Variants in ANKRD27 observed in about 807,000 individuals in gnomAD.
The protein encoded by ANKRD27 is ankyrin repeat domain 27.
A neutral mutation model predicts 129.7 loss-of-function variants in ANKRD27; 112 were observed. That is an observed-to-expected ratio of 0.86 (90% CI 0.74 to 1.01). The LOEUF (loss-of-function observed/expected upper bound fraction) is 1.01, where lower values mean the gene tolerates loss of function less well. Among genes scored for constraint, ANKRD27 ranks in the 50% least tolerant of loss-of-function variants. ANKRD27 has a pLI of 0.00. For missense variants in ANKRD27, 1,258 were observed against 1,300.5 expected (o/e 0.97, Z 0.50); for synonymous variants, 516 against 511.2 (o/e 1.01, Z -0.13).
Position 32,659,133 on chromosome 19 carries a change from C to CTTT in ANKRD27, c.-30-91_-30-89dup, listed in dbSNP as rs200281838. 44 of 330,966 alleles carry CTTT rather than the reference C, an allele frequency of 1.3e-4. 6 individuals carry two copies. The highest frequency in any genetic ancestry group is 2.3e-4 in the South Asian group (6 of 25,724). The allele number at this position is 330,966 out of a possible 1,614,324, so 20.5% of individuals were successfully genotyped here. On this transcript the variant is annotated intron_variant, in intron 1 of 28. Transcript: ENST00000306065. Reference sequence around the variant, plus strand: ...CTGCATCTGATGCATCTGGCATTTTCTTTTTCTTTTTTTTTTTTTTTTTGA... The same window carrying CTTT: ...CTGCATCTGATGCATCTGGCATTTTCTTTTTTTTCTTTTTTTTTTTTTTTTTGA...
chr19:32,648,968 G>GTTTT (rs67248583), intron 3 of ANKRD27, among the ~76,000 whole-genome samples: 2 of 126,360 alleles, frequency 1.6e-5, no homozygotes, highest in African/African-American at 2.9e-5. Context: ...TTTTGGGTTT[G>GTTTT]TTTTTTTTTT....
At chr19:32,626,940 G>A (rs1433107296) in intron 15 of ANKRD27, 113 bp from the exon 16 acceptor site, 17 of 609,682 alleles carry the variant, frequency 2.8e-5, no homozygotes, top group Non-Finnish European at 4.2e-5. Flanking sequence ...TGAAACCCAC[G>A]GTAGATACTT....
intron 2 of ANKRD27, among the ~76,000 whole-genome samples, chr19:32,654,839 T>A (rs1470622845): frequency 6.6e-6 from 1 of 152,140 alleles, no homozygotes; most frequent in Non-Finnish European, 1.5e-5. Context: ...TGGAGTGCAG[T>A]GGCGCAATCT....
chr19:32,639,520 G>A (rs1243801566), intron 11 of ANKRD27, 32 bp from the exon 12 acceptor site: 2 of 1,596,762 alleles, frequency 1.3e-6, no homozygotes. Context: ...TTATGTTGTT[G>A]TCTATCCAAG....
chr19:32,664,240 A>C (rs1050510936), intron 1 of ANKRD27, among the ~76,000 whole-genome samples: 2 of 151,936 alleles, frequency 1.3e-5, no homozygotes, highest in African/African-American at 4.8e-5. Flanking sequence ...CACAGCCCTG[A>C]ACTCCCAGCC....
At chr19:32,602,154 T>A in intron 25 of ANKRD27, 28 bp from the exon 26 acceptor site, 1 of 1,352,726 alleles carries the variant, frequency 7.4e-7, no homozygotes. Context: ...AAAGGAACAG[T>A]AATGTTTTTA....
Position 32,607,657 on chromosome 19 carries a change from G to C in ANKRD27, c.2351C>G (p.Ala784Gly). 6.2e-7 allele frequency: 1 copy of C among 1,611,546 alleles called. No individual in the cohort carries two copies. Among genetic ancestry groups the C allele is most frequent in the Non-Finnish European group, 8.5e-7 (1 of 1,179,572 alleles). ...AACCTGAAAGTGGCCCTGCTGGCAG[G>C]CCAGGTGGAGCGGGACGGCTTGGTC... ...NADQAVPLHL[A>G]CQQGHFQVVK... is the part of the protein sequence containing the mutation. The change falls in exon 23 of 29, where the codon GCC (alanine) becomes GGC (glycine). Residue 784 changes from alanine (A) to glycine (G), a missense_variant. By Grantham distance (60) the Ala-to-Gly change is moderately conservative (BLOSUM62 0). Transcript: ENST00000306065.
Position 32,626,791 on chromosome 19 carries a change from C to T in ANKRD27, c.1457G>A (p.Gly486Asp). The change falls in exon 16 of 29, where the codon GGC becomes GAC. Residue 486 changes from glycine to aspartate, a missense_variant. Transcript: ENST00000306065. ...ASLIDLLVSKGAMVNATDYHG... is the reference protein window; with the variant it reads ...ASLIDLLVSKDAMVNATDYHG... ...GTAGTCTGTGGCATTTACCATGGCG[C>T]CCTTGGAAACCAGGAGGTCGATGAG... The T allele has an allele frequency of 6.2e-7, 1 of 1,612,036 alleles. No homozygotes were observed. The highest frequency in any genetic ancestry group is 8.5e-7 in the Non-Finnish European group (1 of 1,179,196).
intron 12 of ANKRD27, among the ~76,000 whole-genome samples, chr19:32,633,219 A>G (rs1967030117): frequency 6.6e-6 from 1 of 152,166 alleles, no homozygotes; most frequent in South Asian, 2.1e-4. Context: ...GCAAGGACTT[A>G]CTAAAGAAAT....
intron 25 of ANKRD27, among the ~76,000 whole-genome samples, chr19:32,602,536 A>G (rs1434781770): frequency 6.6e-6 from 1 of 152,106 alleles, no homozygotes; most frequent in East Asian, 1.9e-4. Flanking sequence ...AGGTGGGAGG[A>G]TTGCTTGAGC....
In ANKRD27 at chr19:32,618,468, A is replaced by G. The variant is rs556730687; in HGVS notation, c.2007+792T>C. ...CCCAAAAAGAAAAAAAAAAAAAAAAAAAAAGAAATACTGAACTCAGCTATC... is the reference window on the plus strand; with the variant it reads ...CCCAAAAAGAAAAAAAAAAAAAAAAGAAAAGAAATACTGAACTCAGCTATC... On this transcript the variant is annotated intron_variant, in intron 20 of 28. Coordinates refer to ENST00000306065, the MANE Select transcript of ANKRD27 (RefSeq NM_032139.3). Among the ~76,000 whole-genome samples the G allele has an allele frequency of 4.2e-4, 64 of 151,478 alleles. No homozygotes were observed. In the East Asian group the frequency reaches 9.5e-3, roughly 23 times the overall value.
chr19:32,599,795 G>T lies in ANKRD27; in HGVS notation c.2847-19C>A. The stretch of plus-strand genomic sequence containing the variant: ...CTTTCCCCTAAAACCCAAAATAAAC[G>T]AAAATAAATATTTGGGACAGTGGCA... On this transcript the variant is annotated intron_variant, in intron 27 of 28. Coordinates refer to ENST00000306065, the MANE Select transcript of ANKRD27 (RefSeq NM_032139.3). 3 of 1,609,888 alleles carry T rather than the reference G, an allele frequency of 1.9e-6. No homozygotes were observed. The highest frequency in any genetic ancestry group is 1.7e-4 in the Middle Eastern group (1 of 6,034).
intron 1 of ANKRD27, among the ~76,000 whole-genome samples, chr19:32,659,989 T>G (rs1967614357): frequency 6.6e-6 from 1 of 152,182 alleles, no homozygotes; most frequent in South Asian, 2.1e-4. Context: ...CTGGGTATGG[T>G]GGCATGTGCC....
At chr19:32,618,052 C>T (rs184759306) in intron 20 of ANKRD27, among the ~76,000 whole-genome samples, 1 of 152,182 alleles carries the variant, frequency 6.6e-6, no homozygotes, top group African/African-American at 2.4e-5. Context: ...GCCACCACGC[C>T]CGGCTGATTT....
chr19:32,653,718 G>C (rs1455590014), intron 2 of ANKRD27, among the ~76,000 whole-genome samples: 1 of 150,744 alleles, frequency 6.6e-6, no homozygotes, highest in African/African-American at 2.4e-5. Flanking sequence ...AAGGCGCTTC[G>C]AGGCGTGGCG....
At chr19:32,652,166 T>C (rs749758339) in intron 2 of ANKRD27, among the ~76,000 whole-genome samples, 3 of 152,216 alleles carry the variant, frequency 2.0e-5, no homozygotes, top group Non-Finnish European at 4.4e-5. Context: ...GCAAAGACTT[T>C]CCAGAGTTAC....
In ANKRD27 at chr19:32,628,553, A is replaced by C. The variant is rs373563238; in HGVS notation, c.1337+169T>G. On this transcript the variant is annotated intron_variant, in intron 14 of 28. Transcript: ENST00000306065. ...CAAGTGCTTTGACAACCTCTAACCTATCTGATTCTCCAAAGGGGCAGCTGT... is the reference window on the plus strand; with the variant it reads ...CAAGTGCTTTGACAACCTCTAACCTCTCTGATTCTCCAAAGGGGCAGCTGT... 3.0e-3 allele frequency among the ~76,000 whole-genome samples: 454 copies of C among 152,232 alleles called. 3 individuals carry two copies. The highest frequency in any genetic ancestry group is 0.011 in the African/African-American group (442 of 41,546).
chr19:32,614,983 T>C (rs1358185527), intron 22 of ANKRD27, among the ~76,000 whole-genome samples: 2 of 152,160 alleles, frequency 1.3e-5, no homozygotes, highest in East Asian at 3.9e-4. Flanking sequence ...AGAGTCCCCA[T>C]GAAGAGTGAA....
chr19:32,644,207 TAA>T, intron 5 of ANKRD27, 116 bp downstream of exon 5: 2 of 1,214,376 alleles, frequency 1.6e-6, no homozygotes, highest in East Asian at 4.7e-5. Flanking sequence ...GAAACATTTT[TAA>T]AAGACTTCAA....
Sources: gnomAD v4.1 joint callset for allele counts (sites outside exome capture counted in the v4.1 genomes callset) on GRCh38, gnomAD v4.1.1 for gene constraint, MANE v1.5 for transcripts, NCBI Gene and HGNC (gene_info 2026-07-23, HGNC 2026-07-21) for gene names.